Variants in TMEM74 observed in about 807,000 individuals in gnomAD.
TMEM74 encodes the protein transmembrane protein 74.
TMEM74 carries 13 observed loss-of-function variants against 18.1 expected under a neutral mutation model. The ratio of observed to expected loss-of-function variants is 0.72; its 90% CI spans 0.47 to 1.14. The LOEUF is 1.14. Ranked by LOEUF, TMEM74 falls within the 50% of genes most tolerant of loss-of-function variation. TMEM74 has a pLI of 0.00. For missense variants in TMEM74, 372 were observed against 375.9 expected (o/e 0.99, Z 0.09); for synonymous variants, 159 against 146.6 (o/e 1.08, Z -0.61).
chr8:108,778,308 T>G (rs920614147), downstream of TMEM74, among the ~76,000 whole-genome samples: 1 of 152,162 alleles, frequency 6.6e-6, no homozygotes, highest in African/African-American at 2.4e-5. Context: ...AGTGTCTCTT[T>G]GAGACCTTTC....
At chr8:108,650,968 C>T (rs558301930) in intron 2 of TMEM74, among the ~76,000 whole-genome samples, 3 of 152,224 alleles carry the variant, frequency 2.0e-5, no homozygotes, top group South Asian at 2.1e-4. Flanking sequence ...ACCTCGGCCT[C>T]GCAAAGTGTT....
chr8:108,697,754 A>G (rs1369788965), intron 1 of TMEM74, among the ~76,000 whole-genome samples: 1 of 152,062 alleles, frequency 6.6e-6, no homozygotes, highest in Non-Finnish European at 1.5e-5. Flanking sequence ...CTCAGAAGTA[A>G]TCTTTCATAA....
At chr8:108,746,154 C>T (rs1257674376) in intron 1 of TMEM74, among the ~76,000 whole-genome samples, 1 of 152,114 alleles carries the variant, frequency 6.6e-6, no homozygotes, top group Non-Finnish European at 1.5e-5. Flanking sequence ...TGATGAGATT[C>T]CTGCTTGCCA....
At chr8:108,723,965 T>A (rs1813609941) in intron 1 of TMEM74, among the ~76,000 whole-genome samples, 2 of 152,210 alleles carry the variant, frequency 1.3e-5, no homozygotes, top group South Asian at 4.1e-4. Flanking sequence ...GAACTTATAT[T>A]TGCAACAGTT....
intron 2 of TMEM74, among the ~76,000 whole-genome samples, chr8:108,648,306 T>G (rs1036181803): frequency 2.0e-5 from 3 of 152,036 alleles, no homozygotes; most frequent in African/African-American, 7.2e-5. Flanking sequence ...CCACTATGTT[T>G]TTATGAGCAT....
rs1352589144 is a variant in TMEM74 at position 108,780,287 on chromosome 8, CT to C, written c.*3893del. Among the ~76,000 whole-genome samples, 2 of 152,080 alleles carry C rather than the reference CT, an allele frequency of 1.3e-5. No individual in the cohort carries two copies. Among genetic ancestry groups the C allele is most frequent in the African/African-American group, 4.8e-5 (2 of 41,404 alleles). On this transcript the variant is annotated 3_prime_UTR_variant, in exon 2 of 2. Transcript: ENST00000297459. ...TCCTAAGAGATATACATATAGAACA[CT>C]TTTTTAACTTGACAATTAATCCAAG...
chr8:108,759,931 T>C (rs1814021733), intron 1 of TMEM74, among the ~76,000 whole-genome samples: 1 of 152,000 alleles, frequency 6.6e-6, no homozygotes, highest in Non-Finnish European at 1.5e-5. Context: ...TTAGAAGGCT[T>C]CCACTATGAG....
At chr8:108,692,143 T>A (rs1432173888) in intron 1 of TMEM74, among the ~76,000 whole-genome samples, 4 of 152,176 alleles carry the variant, frequency 2.6e-5, no homozygotes, top group African/African-American at 7.2e-5. Flanking sequence ...CAGAAACCGA[T>A]TTTTGTGCAT....
intron 1 of TMEM74, among the ~76,000 whole-genome samples, chr8:108,754,080 C>T (rs1813931600): frequency 6.6e-6 from 1 of 152,054 alleles, no homozygotes; most frequent in Non-Finnish European, 1.5e-5. Context: ...ACATTGGGAA[C>T]CTCTTCTCCA....
chr8:108,641,094 C>G lies in TMEM74; in HGVS notation n.264+14199G>C, dbSNP rs1812661073. Among the ~76,000 whole-genome samples, 3 of 152,196 alleles carry G rather than the reference C, an allele frequency of 2.0e-5. No homozygotes were observed. In the South Asian group the frequency reaches 6.2e-4, roughly 32 times the overall value. Reference sequence around the variant, plus strand: ...TGGGATCATGATGCTATAGTTTGGGCTGCTTTGTTATTTTCTTAATTCTCT... The same window carrying G: ...TGGGATCATGATGCTATAGTTTGGGGTGCTTTGTTATTTTCTTAATTCTCT... On this transcript the variant is annotated intron_variant and non_coding_transcript_variant, in intron 2 of 3. Transcript: ENST00000518838.
intron 1 of TMEM74, among the ~76,000 whole-genome samples, chr8:108,717,296 A>G (rs765004087): frequency 2.0e-5 from 3 of 152,202 alleles, no homozygotes; most frequent in Non-Finnish European, 4.4e-5. Flanking sequence ...AATAGGCCCA[A>G]TAAAATATAT....
chr8:108,668,241 C>G (rs1812968868), intron 1 of TMEM74, among the ~76,000 whole-genome samples: 1 of 152,126 alleles, frequency 6.6e-6, no homozygotes, highest in African/African-American at 2.4e-5. Flanking sequence ...AATTATCCCT[C>G]TTTTAGAAAT....
At chr8:108,661,008 C>T (rs1235496748) in intron 1 of TMEM74, among the ~76,000 whole-genome samples, 2 of 152,122 alleles carry the variant, frequency 1.3e-5, no homozygotes, top group African/African-American at 4.8e-5. Context: ...AAAGCAAATC[C>T]ATTCCCAGAG....
intron 1 of TMEM74, among the ~76,000 whole-genome samples, chr8:108,731,693 C>G (rs1296865294): frequency 6.6e-6 from 1 of 152,040 alleles, no homozygotes; most frequent in East Asian, 1.9e-4. Context: ...GCCTTGTGTT[C>G]TGAGTGAATG....
At chr8:108,690,580 C>G (rs1586262373) in intron 1 of TMEM74, among the ~76,000 whole-genome samples, 3 of 151,998 alleles carry the variant, frequency 2.0e-5, no homozygotes, top group Admixed American at 2.0e-4. Context: ...CTTTGGGAGG[C>G]CGAGGCGGGC....
At chr8:108,627,833 A>G (rs1812509409) in intron 2 of TMEM74, among the ~76,000 whole-genome samples, 1 of 151,944 alleles carries the variant, frequency 6.6e-6, no homozygotes, top group Non-Finnish European at 1.5e-5. Context: ...CGGATGTTTG[A>G]CTTGAGGTCA....
At chr8:108,773,572 T>C (rs113420445) in intron 1 of TMEM74, among the ~76,000 whole-genome samples, 2,627 of 152,204 alleles carry the variant, frequency 0.017, 75 homozygotes, top group African/African-American at 0.06. Flanking sequence ...TTTTAATGTA[T>C]AGGATGAGGT....
intron 1 of TMEM74, among the ~76,000 whole-genome samples, chr8:108,682,449 C>T (rs1196037656): frequency 7.2e-5 from 11 of 152,148 alleles, no homozygotes; most frequent in South Asian, 2.1e-4. Flanking sequence ...ATATTAACCA[C>T]TAATTTATAT....
intron 1 of TMEM74, among the ~76,000 whole-genome samples, chr8:108,772,401 T>C (rs367982218): frequency 1.3e-5 from 2 of 152,308 alleles, no homozygotes; most frequent in East Asian, 1.9e-4. Flanking sequence ...TGAGTTAGTA[T>C]TGATCTGGGT....
Sources: gnomAD v4.1 joint callset for allele counts (sites outside exome capture counted in the v4.1 genomes callset) on GRCh38, gnomAD v4.1.1 for gene constraint, MANE v1.5 for transcripts, NCBI Gene and HGNC (gene_info 2026-07-23, HGNC 2026-07-21) for gene names.